The following DSCAML1 variants were observed in gnomAD, a reference collection of about 807,000 sequenced individuals.
DSCAML1 encodes the protein cell adhesion molecule DSCAML1.
DSCAML1 carries 38 observed loss-of-function variants against 200.5 expected under a neutral mutation model. That is an observed-to-expected ratio of 0.19 (90% CI 0.15 to 0.25). The LOEUF is 0.25. Among genes scored for constraint, DSCAML1 ranks in the 10% least tolerant of loss-of-function variants. The pLI is 1.00. For missense variants in DSCAML1, 2,223 were observed against 2,858.8 expected (o/e 0.78, Z 5.07); for synonymous variants, 1,215 against 1,165.0 (o/e 1.04, Z -0.87).
rs1316311617 is a variant in DSCAML1, at chr11:117,489,867, A to G, written c.2360-7705T>C. Among the ~76,000 whole-genome samples, 2 of 152,216 alleles carry G rather than the reference A, an allele frequency of 1.3e-5. No homozygotes were observed. The highest frequency in any genetic ancestry group is 2.9e-5 in the Non-Finnish European group (2 of 68,036). The stretch of plus-strand genomic sequence containing the variant: ...GTGTGACTGTGAGACTCTCCAGGGC[A>G]GAAGCATCTCTATTCCAGGGCTTAG... On this transcript the variant is annotated intron_variant, in intron 11 of 32. Coordinates refer to ENST00000651296, the MANE Select transcript of DSCAML1 (RefSeq NM_020693.4). This position sits in a 1 kb window ranked among gnomAD's most constrained non-coding sequence, Gnocchi z 4.8.
At chr11:117,653,953 G>A (rs943856762) in intron 3 of DSCAML1, among the ~76,000 whole-genome samples, 1 of 152,186 alleles carries the variant, frequency 6.6e-6, no homozygotes, top group African/African-American at 2.4e-5. Context: ...TTGAGCCCAC[G>A]AGTTTGAGGC....
At chr11:117,637,003 C>T (rs73590647) in intron 3 of DSCAML1, among the ~76,000 whole-genome samples, 6,282 of 152,172 alleles carry the variant, frequency 0.041, 447 homozygotes, top group African/African-American at 0.14. Context: ...TTCCATTAGC[C>T]GTGTCACAGC....
chr11:117,715,575 A>G (rs569171914), intron 3 of DSCAML1, among the ~76,000 whole-genome samples: 1 of 152,334 alleles, frequency 6.6e-6, no homozygotes, highest in African/African-American at 2.4e-5. Flanking sequence ...CAGTCTGGTG[A>G]TGCCGATTTT....
chr11:117,737,458 G>A (rs893982834), intron 3 of DSCAML1, among the ~76,000 whole-genome samples: 9 of 152,166 alleles, frequency 5.9e-5, no homozygotes, highest in Non-Finnish European at 1.0e-4. Context: ...AGAGCTCAGC[G>A]ACCAGTGCAC....
chr11:117,670,430 G>T (rs2053080651), intron 3 of DSCAML1, among the ~76,000 whole-genome samples: 1 of 152,118 alleles, frequency 6.6e-6, no homozygotes, highest in African/African-American at 2.4e-5. Flanking sequence ...AAGCAGGCAG[G>T]AGGCGAGCAG....
intron 3 of DSCAML1, among the ~76,000 whole-genome samples, chr11:117,699,784 T>C (rs1377247845): frequency 1.3e-5 from 2 of 152,210 alleles, no homozygotes; most frequent in Admixed American, 1.3e-4. Flanking sequence ...GCACATTTGA[T>C]TGCATCAGAC....
chr11:117,633,846 G>C (rs755878497), intron 3 of DSCAML1, among the ~76,000 whole-genome samples: 17 of 152,292 alleles, frequency 1.1e-4, no homozygotes, highest in African/African-American at 4.1e-4. Flanking sequence ...TCCAGACTTT[G>C]ATGCCTGCTA....
chr11:117,805,504 G>T (rs1228797832), intron 1 of DSCAML1, among the ~76,000 whole-genome samples: 2 of 152,198 alleles, frequency 1.3e-5, no homozygotes, highest in East Asian at 3.8e-4. Context: ...GGAAAACAGT[G>T]GAATAATCAA....
rs2047818021 is a variant in DSCAML1, at chr11:117,432,339, G to A, written c.5179+13C>T. On this transcript the variant is annotated intron_variant, in intron 30 of 32. Coordinates refer to ENST00000651296, the MANE Select transcript of DSCAML1 (RefSeq NM_020693.4). ...GTTGGGAAAAGGGCTGTCTCCCTGG[G>A]GATAATGCGTACTGGTTCCTGGCCG... is the stretch of plus-strand genomic sequence containing the variant. The A allele has an allele frequency of 1.2e-6, 2 of 1,610,078 alleles. No individual in the cohort carries two copies. The highest frequency in any genetic ancestry group is 1.3e-5 in the African/African-American group (1 of 74,868).
chr11:117,692,629 T>C (rs1223400941), intron 3 of DSCAML1, among the ~76,000 whole-genome samples: 1 of 152,162 alleles, frequency 6.6e-6, no homozygotes, highest in East Asian at 1.9e-4. Flanking sequence ...ATCATAATCA[T>C]AATAAAAATC....
chr11:117,461,961 T>G (rs928229628), intron 17 of DSCAML1, among the ~76,000 whole-genome samples: 6 of 152,094 alleles, frequency 3.9e-5, no homozygotes, highest in South Asian at 2.1e-4. Flanking sequence ...GTGATGAACA[T>G]GACAGACCTG....
chr11:117,659,007 G>T (rs2052788320), intron 3 of DSCAML1, among the ~76,000 whole-genome samples: 2 of 152,156 alleles, frequency 1.3e-5, no homozygotes, highest in Admixed American at 1.3e-4. Context: ...ACTTGTAACA[G>T]AGACACCTCC....
Position 117,428,481 on chromosome 11 carries a change from A to T in DSCAML1, c.6009T>A (p.Pro2003=). ...AEPPTAPSAA[P]PAPSTEPPRA... is the part of the protein sequence containing the mutation. ...GTGGAGGCTCGGTGCTGGGGGCCGG[A>T]GGGGCAGCGCTGGGGGCGGTGGGTG... Residue 2003 remains proline, a synonymous_variant, in exon 33 of 33, where the codon CCT becomes CCA. Coordinates refer to ENST00000651296, the MANE Select transcript of DSCAML1 (RefSeq NM_020693.4). 1 of 1,385,980 alleles carries T rather than the reference A, an allele frequency of 7.2e-7. No homozygotes were observed. Among genetic ancestry groups the T allele is most frequent in the South Asian group, 1.4e-5 (1 of 73,098 alleles). 85.9% of individuals were successfully genotyped at this position (1,385,980 alleles called of 1,614,324 possible).
intron 16 of DSCAML1, among the ~76,000 whole-genome samples, chr11:117,468,387 TTTTA>T (rs1787641947): frequency 6.6e-6 from 1 of 152,242 alleles, no homozygotes; most frequent in Admixed American, 6.5e-5. Context: ...TTCTAATCAA[TTTTA>T]TTTTTCATTA....
chr11:117,439,864 T>C lies in DSCAML1; in HGVS notation c.3935A>G (p.Asn1312Ser), dbSNP rs912064885. 2.5e-6 allele frequency: 4 copies of C among 1,614,040 alleles called. No homozygotes were observed. Among genetic ancestry groups the C allele is most frequent in the East Asian group, 2.2e-5 (1 of 44,896 alleles). The change falls in exon 22 of 33, where the codon AAT (asparagine) becomes AGT (serine). Residue 1312 changes from asparagine (N) to serine (S), a missense_variant. Coordinates refer to ENST00000651296, the MANE Select transcript of DSCAML1 (RefSeq NM_020693.4). Reference sequence around the variant, plus strand: ...AGCAGGGGCTGGATCTCCCACTGAATTGCAAGGCAGCCGAACATCTTTCAT... The same window carrying C: ...AGCAGGGGCTGGATCTCCCACTGAACTGCAAGGCAGCCGAACATCTTTCAT... ...PWMKDVRLPC[N>S]SVGDPAPAVK...
In DSCAML1 at chr11:117,716,421, CT is replaced by C. The variant is rs1317831121; in HGVS notation, c.511+60369del. 2.0e-5 allele frequency among the ~76,000 whole-genome samples: 3 copies of C among 152,284 alleles called. No individual in the cohort carries two copies. The East Asian group carries it at 5.8e-4, about 29-fold the overall frequency. ...CTTGAAGCGGGTCACCAAACAAGAG[CT>C]TTGGGTTTTGCTCTTTAAAAGCTTA... On this transcript the variant is annotated intron_variant, in intron 3 of 32. Coordinates refer to ENST00000651296, the MANE Select transcript of DSCAML1 (RefSeq NM_020693.4).
intron 3 of DSCAML1, among the ~76,000 whole-genome samples, chr11:117,595,946 T>G (rs145076512): frequency 0.012 from 1,856 of 152,276 alleles, 13 homozygotes; most frequent in Admixed American, 0.018. Flanking sequence ...GACAAAATCG[T>G]GTGGGAGCAG....
intron 3 of DSCAML1, among the ~76,000 whole-genome samples, chr11:117,714,334 A>C (rs2053908443): frequency 6.6e-6 from 1 of 152,188 alleles, no homozygotes; most frequent in Admixed American, 6.5e-5. Flanking sequence ...CCAAATATTT[A>C]TTAGAGCCCT....
intron 11 of DSCAML1, among the ~76,000 whole-genome samples, chr11:117,485,172 C>A (rs1251402108): frequency 6.6e-6 from 1 of 152,186 alleles, no homozygotes; most frequent in Non-Finnish European, 1.5e-5. Context: ...AGGCTATGTA[C>A]TTTTGAGCAG....
Sources: gnomAD v4.1 joint callset for allele counts (sites outside exome capture counted in the v4.1 genomes callset) on GRCh38, gnomAD v4.1.1 for gene constraint, Gnocchi (gnomAD v3.1) non-coding constraint, MANE v1.5 for transcripts, NCBI Gene and HGNC (gene_info 2026-07-23, HGNC 2026-07-21) for gene names.